The following STRBP variants were observed in gnomAD, a reference collection of about 807,000 sequenced individuals.
STRBP encodes the protein spermatid perinuclear RNA-binding protein.
In STRBP, 13 loss-of-function variants were observed where a neutral mutation model predicts 80.1. The ratio of observed to expected loss-of-function variants is 0.16; its 90% CI spans 0.11 to 0.26. The LOEUF (loss-of-function observed/expected upper bound fraction) is 0.26, where lower values mean the gene tolerates loss of function less well. Among genes scored for constraint, STRBP ranks in the 10% least tolerant of loss-of-function variants. The pLI is 1.00. For missense variants in STRBP, 485 were observed against 815.2 expected, an observed-to-expected ratio of 0.59 and a Z score of 4.93; for synonymous variants, 284 against 291.2, an observed-to-expected ratio of 0.98 and a Z score of 0.25.
rs1187032594 is a variant in STRBP, at chr9:123,263,467, A to G, written c.-302+4969T>C. ...TTGAGCTCTGGAGTTCAAGGTTACA[A>G]TGAGCTATGATCACACCACCACACT... On this transcript the variant is annotated intron_variant, in intron 1 of 18. Coordinates refer to ENST00000348403, the MANE Select transcript of STRBP (RefSeq NM_018387.5). 2.7e-5 allele frequency among the ~76,000 whole-genome samples: 4 copies of G among 147,858 alleles called. No homozygotes were observed. The Admixed American group carries it at 2.7e-4, about 10-fold the overall frequency.
intron 2 of STRBP, among the ~76,000 whole-genome samples, chr9:123,211,248 A>G (rs1402291237): frequency 6.6e-6 from 1 of 152,248 alleles, no homozygotes; most frequent in Middle Eastern, 3.2e-3. Context: ...AAATTTTAGC[A>G]TTACATTAAG....
intron 1 of STRBP, among the ~76,000 whole-genome samples, chr9:123,247,512 A>T (rs1304384529): frequency 2.6e-5 from 4 of 151,984 alleles, no homozygotes; most frequent in African/African-American, 4.8e-5. Context: ...CAGGTGATCC[A>T]CCCACCTCAG....
In STRBP at chr9:123,184,278, G is replaced by T; in HGVS notation, c.-144C>A. ...AGCGTCAATATAGCAAATGTCTGAA[G>T]GCTTGTTCTCTGGAACACACCTGCA... On this transcript the variant is annotated 5_prime_UTR_variant, in exon 3 of 19. Transcript: ENST00000348403. 1 of 677,696 alleles carries T rather than the reference G, an allele frequency of 1.5e-6. No homozygotes were observed. The highest frequency in any genetic ancestry group is 2.4e-6 in the Non-Finnish European group (1 of 419,242). The allele number at this position is 677,696 out of a possible 1,614,324, so 42.0% of individuals were successfully genotyped here.
intron 2 of STRBP, among the ~76,000 whole-genome samples, chr9:123,213,140 C>A (rs571054164): frequency 6.6e-6 from 1 of 152,322 alleles, no homozygotes; most frequent in East Asian, 1.9e-4. Flanking sequence ...CATTTACTAA[C>A]AGTCATGGTA....
chr9:123,152,147 G>A (rs1013093107), intron 11 of STRBP, among the ~76,000 whole-genome samples: 7 of 152,124 alleles, frequency 4.6e-5, no homozygotes, highest in African/African-American at 9.7e-5. Context: ...AATCAGATCC[G>A]TAATTTAAAA....
chr9:123,190,534 C>A (rs969212447), intron 2 of STRBP, among the ~76,000 whole-genome samples: 1 of 151,878 alleles, frequency 6.6e-6, no homozygotes, highest in Admixed American at 6.6e-5. Context: ...ATATAAAATC[C>A]TCACCTAGTT....
At chr9:123,127,833 C>T (rs773778498) in intron 18 of STRBP, among the ~76,000 whole-genome samples, 51 of 152,350 alleles carry the variant, frequency 3.3e-4, no homozygotes, top group Middle Eastern at 3.4e-3. Flanking sequence ...ACAACTCACA[C>T]GGTTCCAAAC....
chr9:123,188,721 A>AT (rs919269461), intron 2 of STRBP, among the ~76,000 whole-genome samples: 7 of 152,038 alleles, frequency 4.6e-5, no homozygotes, highest in Non-Finnish European at 1.0e-4. Context: ...ATATTTAGGG[A>AT]TTTTTTTTCC....
chr9:123,177,368 A>C (rs1156665648), intron 4 of STRBP, among the ~76,000 whole-genome samples: 1 of 152,176 alleles, frequency 6.6e-6, no homozygotes, highest in African/African-American at 2.4e-5. Context: ...ATTCGAGACC[A>C]AATTCGGCAA....
At chr9:123,179,374 C>G (rs2038357773) in intron 3 of STRBP, 147 bp from the exon 4 acceptor site, 2 of 643,266 alleles carry the variant, frequency 3.1e-6, no homozygotes, top group Admixed American at 6.0e-5. Flanking sequence ...ACTGCTCCAG[C>G]GTGGGAAGTA....
intron 6 of STRBP, among the ~76,000 whole-genome samples, chr9:123,163,469 A>G (rs2037613096): frequency 6.6e-6 from 1 of 152,240 alleles, no homozygotes; most frequent in Admixed American, 6.5e-5. Context: ...GACTTGCACC[A>G]GGTTCCCTTT....
intron 1 of STRBP, among the ~76,000 whole-genome samples, chr9:123,255,177 T>C (rs940628428): frequency 3.5e-4 from 53 of 152,370 alleles, no homozygotes; most frequent in African/African-American, 1.3e-3. Context: ...CTGCCTGGCA[T>C]AGAAAGCTAC....
Position 123,125,640 on chromosome 9 carries a change from A to G in STRBP, c.1976T>C (p.Met659Thr), listed in dbSNP as rs2035864609. Residue 659 changes from methionine (M) to threonine (T), a missense_variant, in exon 19 of 19, where the codon ATG (methionine) becomes ACG (threonine). Met to Thr is a moderately conservative substitution (Grantham distance 81). Around this residue, in one of 3 missense-constraint regions of STRBP, gnomAD observed 85 missense variants for 120.1 expected, o/e 0.71. Coordinates refer to ENST00000348403, the MANE Select transcript of STRBP (RefSeq NM_018387.5). ...LPKRMVLLPV[M>T]KFPTYPVPHY... ...GGGAACAGGATATGTTGGAAATTTC[A>G]TAACGGGTAACAGAACCATTCTCTT... is the stretch of plus-strand genomic sequence containing the variant. 2.5e-6 allele frequency: 4 copies of G among 1,613,540 alleles called. No individual in the cohort carries two copies. The highest frequency in any genetic ancestry group is 1.7e-5 in the Admixed American group (1 of 59,932).
At chr9:123,200,689 T>C (rs1321309348) in intron 2 of STRBP, among the ~76,000 whole-genome samples, 1 of 140,658 alleles carries the variant, frequency 7.1e-6, no homozygotes. Flanking sequence ...TGTCTCAGCC[T>C]CCCGAGTAGC....
Position 123,147,067 on chromosome 9 carries a change from G to C in STRBP, c.1139-13C>G. ...TTACTATCCAGAACTGTTAAAGAAA[G>C]AGGAATGAGGTCAGAAATTAACTAG... On this transcript the variant is annotated splice_polypyrimidine_tract_variant and intron_variant, in intron 12 of 18. Transcript: ENST00000348403. 1 of 1,598,974 alleles carries C rather than the reference G, an allele frequency of 6.3e-7. No homozygotes were observed.
chr9:123,111,589 C>A, intron 3 of STRBP: 1 of 479,630 alleles, frequency 2.1e-6, no homozygotes, highest in East Asian at 6.3e-5. Context: ...TAAGTAACTC[C>A]ACTGCCTGAC....
rs2035864476 is a variant in STRBP at position 123,125,637 on chromosome 9, T to C, written c.1979A>G (p.Lys660Arg). The change falls in exon 19 of 19, where the codon AAA becomes AGA. Residue 660 changes from lysine (K) to arginine (R), a missense_variant. Transcript: ENST00000348403. ...GTGGGGAACAGGATATGTTGGAAAT[T>C]TCATAACGGGTAACAGAACCATTCT... ...PKRMVLLPVM[K>R]FPTYPVPHYS... The C allele has an allele frequency of 6.2e-7, 1 of 1,613,594 alleles. No individual in the cohort carries two copies. Among genetic ancestry groups the C allele is most frequent in the Non-Finnish European group, 8.5e-7 (1 of 1,179,794 alleles).
At chr9:123,263,524 C>CAAAAAAAAAAAAAAAAAA (rs775297049) in intron 1 of STRBP, among the ~76,000 whole-genome samples, 2 of 64,226 alleles carry the variant, frequency 3.1e-5, no homozygotes, top group African/African-American at 5.2e-5. Context: ...GACCCTGTCT[C>CAAAAAAAAAAAAAAAAAA]AAAAAAAAAA....
In STRBP at chr9:123,136,395, G is replaced by A. The variant is rs751932647; in HGVS notation, c.1618C>T (p.Arg540Cys). The A allele has an allele frequency of 7.4e-6, 12 of 1,613,972 alleles. No individual in the cohort carries two copies. Among genetic ancestry groups the A allele is most frequent in the African/African-American group, 1.3e-5 (1 of 74,996 alleles). Residue 540 changes from arginine to cysteine, a missense_variant, in exon 15 of 19, where the codon CGC (arginine) becomes TGC (cysteine). By Grantham distance (180) the Arg-to-Cys change is radical. This residue lies in a region of STRBP where 23 missense variants were observed against 79.0 expected (regional missense o/e 0.29). Coordinates refer to ENST00000348403, the MANE Select transcript of STRBP (RefSeq NM_018387.5). The surrounding 1 kb of genome is among the most constrained non-coding windows in gnomAD (Gnocchi z 4.2). ...ISETGGSHDK[R>C]FVMEVEVDGQ... ...TGGGTACACACCTCCATTACAAAGC[G>A]CTTGTCATGGCTTCCACCAGTCTCT...
Sources: gnomAD v4.1 joint callset for allele counts (sites outside exome capture counted in the v4.1 genomes callset) on GRCh38, gnomAD v4.1.1 for gene constraint, gnomAD v4.1.1 regional missense constraint, Gnocchi (gnomAD v3.1) non-coding constraint, MANE v1.5 for transcripts, NCBI Gene and HGNC (gene_info 2026-07-23, HGNC 2026-07-21) for gene names.